Variants in PLCG2 observed in about 807,000 individuals in gnomAD.
PLCG2 encodes the protein phospholipase C gamma 2.
Under a neutral mutation model 175.6 loss-of-function variants are expected in PLCG2, and 69 were observed. The observed-to-expected ratio is 0.39, with a 90% CI of 0.32 to 0.48. The LOEUF (loss-of-function observed/expected upper bound fraction) is 0.48. Among genes scored for constraint, PLCG2 ranks in the 20% least tolerant of loss-of-function variants. The pLI is 0.91. For synonymous variants in PLCG2, 827 were observed against 624.0 expected (o/e 1.33, Z -4.85); for missense variants, 1,798 against 1,650.9 (o/e 1.09, Z -1.54).
chr16:81,799,631 C>G (rs971092931), intron 2 of PLCG2, among the ~76,000 whole-genome samples: 1 of 143,464 alleles, frequency 7.0e-6, no homozygotes, highest in South Asian at 2.2e-4. Context: ...CAGAGTCTCG[C>G]TCTATTGCCC....
chr16:81,907,855 T>C (rs1260508681), intron 16 of PLCG2, 81 bp downstream of exon 16: 1 of 977,966 alleles, frequency 1.0e-6, no homozygotes, highest in Non-Finnish European at 1.6e-6. Context: ...CTCCTTCCCA[T>C]GTGGCTTCTC....
chr16:81,885,225 T>C (rs1369489406), intron 9 of PLCG2, among the ~76,000 whole-genome samples: 1 of 152,216 alleles, frequency 6.6e-6, no homozygotes, highest in Non-Finnish European at 1.5e-5. Context: ...GGTTTCACAA[T>C]GTTGGTCAGC....
chr16:81,830,200 G>A (rs1905205344), intron 2 of PLCG2, among the ~76,000 whole-genome samples: 1 of 152,070 alleles, frequency 6.6e-6, no homozygotes, highest in Non-Finnish European at 1.5e-5. Flanking sequence ...CGCATCTGTG[G>A]TCCCAGCTAC....
At chr16:81,839,355 A>G (rs1347550997) in intron 2 of PLCG2, among the ~76,000 whole-genome samples, 1 of 146,382 alleles carries the variant, frequency 6.8e-6, no homozygotes, top group Non-Finnish European at 1.5e-5. Context: ...ATGTGTGAGG[A>G]AAAAAAAAAA....
intron 2 of PLCG2, among the ~76,000 whole-genome samples, chr16:81,764,403 G>T (rs868322090): frequency 2.0e-5 from 3 of 152,220 alleles, no homozygotes; most frequent in South Asian, 4.1e-4. Flanking sequence ...ATGTCAATGT[G>T]ACAGTGTAGA....
At chr16:81,923,792 A>G (rs1169918724) in intron 22 of PLCG2, among the ~76,000 whole-genome samples, 198 bp downstream of exon 22, 4 of 152,230 alleles carry the variant, frequency 2.6e-5, no homozygotes, top group Non-Finnish European at 5.9e-5. Context: ...CAATATTAAC[A>G]GGTATCGACA....
intron 25 of PLCG2, 58 bp from the exon 26 acceptor site, chr16:81,934,371 G>A (rs1222640309): frequency 1.4e-5 from 15 of 1,053,084 alleles, no homozygotes; most frequent in East Asian, 4.7e-5. Context: ...AATGCAGGGC[G>A]AGCTGGGAAG....
intron 25 of PLCG2, 139 bp from the exon 26 acceptor site, chr16:81,934,290 G>T: frequency 1.6e-6 from 1 of 626,098 alleles, no homozygotes; most frequent in Non-Finnish European, 2.9e-6. Context: ...GTTGTCTTCA[G>T]GAAAGGAAAA....
At chr16:81,840,216 T>C (rs4325546) in intron 2 of PLCG2, among the ~76,000 whole-genome samples, 98,295 of 151,986 alleles carry the variant, frequency 0.65, 32,364 homozygotes, top group East Asian at 0.71. Flanking sequence ...CTGGAGAGCA[T>C]GCTTAGAATT....
intron 2 of PLCG2, among the ~76,000 whole-genome samples, chr16:81,802,285 T>C (rs1911764041): frequency 6.6e-6 from 1 of 150,608 alleles, no homozygotes; most frequent in Non-Finnish European, 1.5e-5. Flanking sequence ...GCTAATTTTT[T>C]GTATTTTTAG....
chr16:81,813,836 G>T (rs1904424099), intron 2 of PLCG2, among the ~76,000 whole-genome samples: 1 of 152,208 alleles, frequency 6.6e-6, no homozygotes, highest in Non-Finnish European at 1.5e-5. Flanking sequence ...TCTTCTCTGT[G>T]ATGGCTTCCA....
chr16:81,752,835 G>C lies in PLCG2; in HGVS notation c.-144-3035G>C, dbSNP rs13337352. ...CCCCGGTGAGTGGCTGTTGGGGGCA[G>C]AGCTGCCAGCAGGGAGAGGACAGCT... On this transcript the variant is annotated intron_variant, in intron 1 of 5. Transcript: ENST00000565054. Among the ~76,000 whole-genome samples the C allele has an allele frequency of 4.5e-3, 680 of 152,354 alleles. 4 individuals are homozygous for C. The highest frequency in any genetic ancestry group is 0.015 in the African/African-American group (644 of 41,582).
intron 1 of PLCG2, among the ~76,000 whole-genome samples, chr16:81,780,978 G>C (rs1910702325): frequency 6.6e-6 from 1 of 152,142 alleles, no homozygotes; most frequent in Non-Finnish European, 1.5e-5. Context: ...AGTGAACCCA[G>C]ATCATGCCAC....
intron 2 of PLCG2, among the ~76,000 whole-genome samples, chr16:81,792,340 G>A (rs948168722): frequency 2.0e-5 from 3 of 151,804 alleles, no homozygotes; most frequent in Non-Finnish European, 2.9e-5. Flanking sequence ...AAATTGGCTG[G>A]GTGTAGTGGC....
At chr16:81,917,661 C>T (rs371668631) in intron 19 of PLCG2, among the ~76,000 whole-genome samples, 3 of 152,216 alleles carry the variant, frequency 2.0e-5, no homozygotes, top group East Asian at 1.9e-4. Flanking sequence ...TTTTACGTAA[C>T]TGTTGGCCAT....
intron 10 of PLCG2, among the ~76,000 whole-genome samples, chr16:81,891,268 G>A (rs990604623): frequency 1.3e-4 from 20 of 152,118 alleles, no homozygotes; most frequent in Non-Finnish European, 2.6e-4. Flanking sequence ...ATATTGTCTA[G>A]GTCCATGGAA....
intron 2 of PLCG2, among the ~76,000 whole-genome samples, chr16:81,831,500 G>A (rs575415238): frequency 2.0e-5 from 3 of 152,324 alleles, no homozygotes; most frequent in East Asian, 3.9e-4. Flanking sequence ...CTCTCTATTT[G>A]TCTCAGTTTT....
At chr16:81,898,017 G>A (rs1908974349) in intron 13 of PLCG2, 1 of 358,386 alleles carries the variant, frequency 2.8e-6, no homozygotes, top group Non-Finnish European at 5.6e-6. Context: ...GCCCTTCTAA[G>A]TGCCAACCTC....
intron 1 of PLCG2, chr16:81,739,576 G>A (rs1377164866): frequency 1.3e-5 from 2 of 152,392 alleles, no homozygotes; most frequent in African/African-American, 4.8e-5. Context: ...GGAAGGGCTG[G>A]GACCCCTTCT....
Sources: allele counts gnomAD v4.1 joint callset (sites outside exome capture counted in the v4.1 genomes callset), GRCh38; gene constraint gnomAD v4.1.1; transcripts MANE v1.5; gene names NCBI Gene and HGNC (gene_info 2026-07-23, HGNC 2026-07-21).